The following KCNIP4 variants were observed in gnomAD, a reference collection of about 807,000 sequenced individuals.
The protein encoded by KCNIP4 is Kv channel-interacting protein 4.
KCNIP4 carries 12 observed loss-of-function variants against 34.0 expected under a neutral mutation model. The ratio of observed to expected loss-of-function variants is 0.35; its 90% CI spans 0.23 to 0.57. KCNIP4 has a LOEUF of 0.57. Among genes scored for constraint, KCNIP4 ranks in the 20% least tolerant of loss-of-function variants. The probability of loss-of-function intolerance (pLI) is 0.83; values close to 1 mark genes in which losing one functional copy is unlikely to be tolerated. For missense variants in KCNIP4, 238 were observed against 311.7 expected (o/e 0.76, Z 1.78); for synonymous variants, 124 against 102.2 (o/e 1.21, Z -1.29).
At chr4:21,765,058 T>C (rs1718316408) in intron 1 of KCNIP4, among the ~76,000 whole-genome samples, 1 of 151,916 alleles carries the variant, frequency 6.6e-6, no homozygotes, top group South Asian at 2.1e-4. Flanking sequence ...TCTCAGGGAG[T>C]ATACACTGTG....
At chr4:21,071,739 C>A (rs983233769) in intron 1 of KCNIP4, among the ~76,000 whole-genome samples, 1 of 152,012 alleles carries the variant, frequency 6.6e-6, no homozygotes, top group Non-Finnish European at 1.5e-5. Context: ...GTGTGCTGCA[C>A]CCATTAACTC....
chr4:21,643,870 T>TGATTGATA (rs1553915311), intron 1 of KCNIP4, among the ~76,000 whole-genome samples: 1 of 107,710 alleles, frequency 9.3e-6, no homozygotes. Flanking sequence ...ATGATGATGA[T>TGATTGATA]GATAGATAGA....
chr4:21,410,251 T>A (rs1724369048), intron 1 of KCNIP4, among the ~76,000 whole-genome samples: 1 of 152,104 alleles, frequency 6.6e-6, no homozygotes, highest in African/African-American at 2.4e-5. Flanking sequence ...GTGATTAAAG[T>A]TGTAGTGTTT....
chr4:21,744,816 C>T (rs1434532276), intron 1 of KCNIP4, among the ~76,000 whole-genome samples: 4 of 152,094 alleles, frequency 2.6e-5, no homozygotes, highest in Admixed American at 6.6e-5. Context: ...TATTTTGCTA[C>T]AAAAAAACTA....
At chr4:20,983,946 C>T in intron 1 of KCNIP4, 1 of 1,535,918 alleles carries the variant, frequency 6.5e-7, no homozygotes, top group South Asian at 1.2e-5. Context: ...GGCAGAGCAT[C>T]CCAGCCTCCA....
chr4:21,885,076 C>A (rs1726688490), intron 1 of KCNIP4, among the ~76,000 whole-genome samples: 1 of 152,114 alleles, frequency 6.6e-6, no homozygotes, highest in Non-Finnish European at 1.5e-5. Context: ...AATATAAGCT[C>A]CATGAGGGCA....
intron 1 of KCNIP4, among the ~76,000 whole-genome samples, chr4:21,896,286 A>G (rs1727380831): frequency 6.6e-6 from 1 of 152,186 alleles, no homozygotes; most frequent in Admixed American, 6.5e-5. Context: ...TAATAAAATA[A>G]TGTGCTTAAA....
chr4:21,053,323 T>TA (rs748814868), intron 1 of KCNIP4, among the ~76,000 whole-genome samples: 239 of 152,216 alleles, frequency 1.6e-3, no homozygotes, highest in Non-Finnish European at 2.8e-3. Context: ...AACAACTAAT[T>TA]AAAAACATGT....
At chr4:21,836,046 C>A (rs1220648721) in intron 1 of KCNIP4, among the ~76,000 whole-genome samples, 3 of 152,022 alleles carry the variant, frequency 2.0e-5, no homozygotes, top group Admixed American at 6.6e-5. Flanking sequence ...AAAATTAAGC[C>A]AAAATTCAGG....
intron 1 of KCNIP4, among the ~76,000 whole-genome samples, chr4:20,945,783 G>A (rs1430316213): frequency 1.3e-5 from 2 of 152,154 alleles, no homozygotes. Flanking sequence ...CACTGTTAGA[G>A]TTCAGGCAGC....
At chr4:20,975,703 C>A (rs565378170) in intron 1 of KCNIP4, among the ~76,000 whole-genome samples, 1 of 152,268 alleles carries the variant, frequency 6.6e-6, no homozygotes, top group East Asian at 1.9e-4. Context: ...AGTCATCAAC[C>A]TGAGACCCCC....
intron 1 of KCNIP4, among the ~76,000 whole-genome samples, chr4:20,919,474 C>T (rs1230706666): frequency 6.6e-6 from 1 of 151,550 alleles, no homozygotes; most frequent in African/African-American, 2.4e-5. Context: ...GAGGCCGAGG[C>T]GGGCAGATCC....
chr4:21,126,719 C>A (rs1055154657), intron 1 of KCNIP4, among the ~76,000 whole-genome samples: 2 of 151,774 alleles, frequency 1.3e-5, no homozygotes, highest in African/African-American at 4.8e-5. Flanking sequence ...AGTTCACCTT[C>A]TCATTTTACT....
At chr4:21,611,348 G>A (rs760801305) in intron 1 of KCNIP4, among the ~76,000 whole-genome samples, 2 of 152,044 alleles carry the variant, frequency 1.3e-5, no homozygotes, top group African/African-American at 4.8e-5. Flanking sequence ...GAAGGGAGAA[G>A]AGCCCCTTAT....
chr4:21,285,716 C>T (rs1165269332), intron 1 of KCNIP4, among the ~76,000 whole-genome samples: 1 of 152,052 alleles, frequency 6.6e-6, no homozygotes, highest in Non-Finnish European at 1.5e-5. Flanking sequence ...TAGTAGGTGT[C>T]TGTAATCCCA....
chr4:21,397,927 C>T (rs944740016), intron 1 of KCNIP4, among the ~76,000 whole-genome samples: 1 of 152,108 alleles, frequency 6.6e-6, no homozygotes, highest in Non-Finnish European at 1.5e-5. Context: ...TACAGAAAAT[C>T]TCGTCAGCTC....
At chr4:21,534,047 A>G (rs1019579662) in intron 1 of KCNIP4, among the ~76,000 whole-genome samples, 5 of 152,182 alleles carry the variant, frequency 3.3e-5, no homozygotes, top group Admixed American at 3.3e-4. Context: ...TCTGTCACAC[A>G]CTAAATATAT....
chr4:21,628,651 A>G lies in KCNIP4; in HGVS notation c.61+319920T>C, dbSNP rs548632505. Among the ~76,000 whole-genome samples, 31 of 152,306 alleles carry G rather than the reference A, an allele frequency of 2.0e-4. 1 individual carries two copies. The East Asian group carries it at 4.1e-3, about 20-fold the overall frequency. On this transcript the variant is annotated intron_variant, in intron 1 of 8. Coordinates refer to ENST00000382152, the MANE Select transcript of KCNIP4 (RefSeq NM_025221.6). Reference sequence around the variant, plus strand: ...GTCCTTTTTAATGCTAACCACAGTTATATTTATCTTTTTTACTATTATTCA... The same window carrying G: ...GTCCTTTTTAATGCTAACCACAGTTGTATTTATCTTTTTTACTATTATTCA...
chr4:21,274,429 A>G (rs1434148902), intron 1 of KCNIP4, among the ~76,000 whole-genome samples: 3 of 152,224 alleles, frequency 2.0e-5, no homozygotes, highest in Non-Finnish European at 4.4e-5. Flanking sequence ...GACATTTAAC[A>G]AATTAATTTA....
Sources: allele counts gnomAD v4.1 joint callset (sites outside exome capture counted in the v4.1 genomes callset), GRCh38; gene constraint gnomAD v4.1.1; transcripts MANE v1.5; gene names NCBI Gene and HGNC (gene_info 2026-07-23, HGNC 2026-07-21).